KLHL17: variants seen among roughly 807,000 people sequenced by gnomAD.
The protein encoded by KLHL17 is kelch like family member 17.
KLHL17 carries 71 observed loss-of-function variants against 64.6 expected under a neutral mutation model. The ratio of observed to expected loss-of-function variants is 1.10; its 90% CI spans 0.91 to 1.34. KLHL17 has a LOEUF of 1.34. Among genes scored for constraint, KLHL17 ranks in the 40% most tolerant of loss-of-function variants. The pLI is 0.00. For synonymous variants in KLHL17, 612 were observed against 405.4 expected (o/e 1.51, Z -6.12); for missense variants, 1,140 against 935.0 (o/e 1.22, Z -2.86).
At position 960,730 on chromosome 1, in the gene KLHL17, C is replaced by A; in HGVS notation, c.37C>A (p.Gln13Lys). ...PRSERPAGRT[Q>K]SPEHGSPGPG... ...CAGCGAGCGCCCGGCCGGCAGGACG[C>A]AGAGCCCGGAGCACGGCAGCCCGGG... The change falls in exon 1 of 12, where the codon CAG (glutamine) becomes AAG (lysine). Residue 13 changes from glutamine (Q) to lysine (K), a missense_variant. Gln to Lys is a moderately conservative substitution (Grantham distance 53). Transcript: ENST00000338591. 1 of 1,334,396 alleles carries A rather than the reference C, an allele frequency of 7.5e-7. No individual in the cohort carries two copies. The highest frequency in any genetic ancestry group is 9.7e-7 in the Non-Finnish European group (1 of 1,035,172). 82.7% of individuals were successfully genotyped at this position (1,334,396 alleles called of 1,614,324 possible). A position where few individuals can be genotyped will look rare whatever the true frequency, so the allele number is the denominator to read the frequency against.
intron 8 of KLHL17, 122 bp from the exon 9 acceptor site, chr1:963,798 T>C (rs1276931399): frequency 8.5e-7 from 1 of 1,175,238 alleles, no homozygotes; most frequent in African/African-American, 1.5e-5. Flanking sequence ...CTGGTAGGAC[T>C]TTGCGGTCTG....
chr1:962,023 G>A lies in KLHL17; in HGVS notation c.687G>A (p.Glu229=), dbSNP rs2100416262. 3.1e-6 allele frequency: 5 copies of A among 1,612,892 alleles called. No homozygotes were observed. The highest frequency in any genetic ancestry group is 3.4e-6 in the Non-Finnish European group (4 of 1,180,004). The change falls in exon 4 of 12, where the codon GAG becomes GAA. Residue 229 remains glutamate, a synonymous_variant. Transcript: ENST00000338591. ...TCGTGGACGTGGCCAAGACCGAGGA[G>A]TTTATGCTGCTGCCCCTGAAACAGG... ...QHFVDVAKTE[E]FMLLPLKQVL... is the part of the protein sequence containing the mutation.
In KLHL17 at chr1:963,229, G is replaced by C; in HGVS notation, c.1163G>C (p.Gly388Ala). The C allele has an allele frequency of 6.2e-7, 1 of 1,607,128 alleles. No homozygotes were observed. The highest frequency in any genetic ancestry group is 8.5e-7 in the Non-Finnish European group (1 of 1,175,910). Residue 388 changes from glycine to alanine, a missense_variant, in exon 7 of 12, where the codon GGG becomes GCG. Coordinates refer to ENST00000338591, the MANE Select transcript of KLHL17 (RefSeq NM_198317.3). ...GCCCGGGTGGGAGTGGCTGCGGTGG[G>C]GAACCGGCTCTATGCTGTGGGCGGG... ...RRARVGVAAV[G>A]NRLYAVGGYD... is the part of the protein sequence containing the mutation.
At position 961,491 on chromosome 1, in the gene KLHL17, G is replaced by T; in HGVS notation, c.306G>T (p.Glu102Asp). Residue 102 changes from glutamate (E) to aspartate (D), a missense_variant, in exon 2 of 12, where the codon GAG (glutamate) becomes GAT (aspartate). Physicochemically the swap from Glu to Asp is conservative, Grantham distance 45. Coordinates refer to ENST00000338591, the MANE Select transcript of KLHL17 (RefSeq NM_198317.3). Reference protein sequence around the residue: ...CDIVLHVAAKEIRAHKVVLAS... With the variant: ...CDIVLHVAAKDIRAHKVVLAS... ...TCGTCCTGCACGTGGCTGCCAAGGAGATCCGTGCGCACAAAGTGGTGCTGG... is the reference window on the plus strand; with the variant it reads ...TCGTCCTGCACGTGGCTGCCAAGGATATCCGTGCGCACAAAGTGGTGCTGG... The T allele has an allele frequency of 6.2e-7, 1 of 1,612,544 alleles. No individual in the cohort carries two copies.
intron 4 of KLHL17, 76 bp downstream of exon 4, chr1:962,123 T>G: frequency 7.6e-7 from 1 of 1,320,096 alleles, no homozygotes; most frequent in Non-Finnish European, 1.0e-6. Flanking sequence ...CCGACCCCGT[T>G]TTGTTCCTGA....
At chr1:962,956 TCTA>T (rs780843930) in intron 6 of KLHL17, 39 bp downstream of exon 6, 2 of 1,523,920 alleles carry the variant, frequency 1.3e-6, no homozygotes, top group African/African-American at 1.4e-5. Flanking sequence ...CCCTGTGCCT[TCTA>T]CTCCCCACCA....
rs372211605 is a variant in KLHL17, at chr1:962,838, T to C, written c.963T>C (p.Pro321=). The C allele has an allele frequency of 3.1e-6, 5 of 1,602,798 alleles. No homozygotes were observed. Among genetic ancestry groups the C allele is most frequent in the East Asian group, 4.5e-5 (2 of 44,844 alleles). ...AGGCCCTGAAGTTCCACCTGCTGCC[T>C]GAGCAGAGGGGCGTCCTAGGCACCA... ...LIEALKFHLL[P]EQRGVLGTSR... The change falls in exon 6 of 12, where the codon CCT becomes CCC. Residue 321 remains proline (P), a synonymous_variant. Coordinates refer to ENST00000338591, the MANE Select transcript of KLHL17 (RefSeq NM_198317.3).
At chr1:962,512 G>A (rs774650267) in intron 5 of KLHL17, 41 bp downstream of exon 5, 4 of 1,603,986 alleles carry the variant, frequency 2.5e-6, no homozygotes, top group East Asian at 2.2e-5. Context: ...CATCCAGGAG[G>A]GCATGCAGGT....
chr1:963,451 G>GC lies in KLHL17; in HGVS notation c.1303dup (p.His435ProfsTer11), dbSNP rs1181078126. The GC allele has an allele frequency of 6.2e-7, 1 of 1,612,564 alleles. No homozygotes were observed. Among genetic ancestry groups the GC allele is most frequent in the Non-Finnish European group, 8.5e-7 (1 of 1,179,854 alleles). ...GAAGCTGCCTGGGTGTGGCCGCCTTGCATGGACTCCTGTACTCGGCCGGCG... is the reference window on the plus strand; with the variant it reads ...GAAGCTGCCTGGGTGTGGCCGCCTTGCCATGGACTCCTGTACTCGGCCGGCG... On this transcript the variant is annotated frameshift_variant, in exon 8 of 12. Transcript: ENST00000338591. LOFTEE classifies it high-confidence loss of function.
intron 4 of KLHL17, 26 bp downstream of exon 4, chr1:962,073 G>GCCCCCCCCCCCCCCCCC: frequency 6.4e-7 from 1 of 1,559,852 alleles, no homozygotes; most frequent in Non-Finnish European, 8.7e-7. Context: ...CCCAGCCCTC[G>GCCCCCCCCCCCCCCCCC]CCCCCCACCC....
Position 964,892 on chromosome 1 carries a change from C to A in KLHL17, c.1701-71C>A. 3 of 1,172,112 alleles carry A rather than the reference C, an allele frequency of 2.6e-6. No individual in the cohort carries two copies. In the East Asian group the frequency reaches 7.7e-5, roughly 30 times the overall value. The allele number at this position is 1,172,112 out of a possible 1,614,324, so 72.6% of individuals were successfully genotyped here. A position where few individuals can be genotyped will look rare whatever the true frequency, so the allele number is the denominator to read the frequency against. On this transcript the variant is annotated intron_variant, in intron 11 of 11. Transcript: ENST00000338591. ...TCAGCGAGCATGTCCCGCCACCACC[C>A]CTTTTTGTGGTGCAGCCCCTCCCCC...
Position 964,157 on chromosome 1 carries a change from A to C in KLHL17, c.1495A>C (p.Thr499Pro). ...CTACGACAGCTCCTCACACCTGGCCACTGTGGAGAAGTATGAGCCCCAGGT... is the reference window on the plus strand; with the variant it reads ...CTACGACAGCTCCTCACACCTGGCCCCTGTGGAGAAGTATGAGCCCCAGGT... ...GGYDSSSHLA[T>P]VEKYEPQVNV... Residue 499 changes from threonine to proline, a missense_variant, in exon 10 of 12, where the codon ACT becomes CCT. Coordinates refer to ENST00000338591, the MANE Select transcript of KLHL17 (RefSeq NM_198317.3). 1 of 1,612,656 alleles carries C rather than the reference A, an allele frequency of 6.2e-7. No homozygotes were observed. The highest frequency in any genetic ancestry group is 1.1e-5 in the South Asian group (1 of 91,088).
At chr1:963,084 T>C (rs1256783720) in intron 6 of KLHL17, 25 bp from the exon 7 acceptor site, 2 of 1,607,914 alleles carry the variant, frequency 1.2e-6, no homozygotes, top group Admixed American at 3.4e-5. Context: ...CACTCACGAG[T>C]CCCGTCTCCA....
At position 961,868 on chromosome 1, in the gene KLHL17, C is replaced by G. The variant is rs767609323; in HGVS notation, c.532C>G (p.Arg178Gly). ...AASLLQLNGVRDACCKFLLSQ... is the reference protein window; with the variant it reads ...AASLLQLNGVGDACCKFLLSQ... ...CAGTCTCCTGCAGCTGAATGGCGTC[C>G]GAGACGCTTGCTGCAAGTTTCTACT... The change falls in exon 4 of 12, where the codon CGA (arginine) becomes GGA (glycine). Residue 178 changes from arginine to glycine, a missense_variant. Coordinates refer to ENST00000338591, the MANE Select transcript of KLHL17 (RefSeq NM_198317.3). The G allele has an allele frequency of 1.2e-6, 2 of 1,611,966 alleles. No homozygotes were observed. Among genetic ancestry groups the G allele is most frequent in the Non-Finnish European group, 1.7e-6 (2 of 1,179,990 alleles).
rs766693373 is a variant in KLHL17, at chr1:963,497, C to G, written c.1348C>G (p.Leu450Val). The change falls in exon 8 of 12, where the codon CTG becomes GTG. Residue 450 changes from leucine (L) to valine (V), a missense_variant. By Grantham distance (32) the Leu-to-Val change is conservative. Coordinates refer to ENST00000338591, the MANE Select transcript of KLHL17 (RefSeq NM_198317.3). The stretch of plus-strand genomic sequence containing the variant: ...CGGCGGCTATGACGGGGCCTCCTGC[C>G]TGAACAGGTAGTTGGGGTTGGGGCC... ...SAGGYDGASC[L>V]NSAERYDPLT... The G allele has an allele frequency of 1.1e-5, 17 of 1,607,228 alleles. No individual in the cohort carries two copies. The highest frequency in any genetic ancestry group is 1.4e-5 in the Non-Finnish European group (16 of 1,176,542).
Position 961,723 on chromosome 1 carries a change from G to C in KLHL17, c.462G>C (p.Glu154Asp). ...TGGTGCAGTTTGCCTACACGGCTGA[G>C]ATTGTGGTGGGCGAGGGCAATGTGC... ...DQLVQFAYTA[E>D]IVVGEGNVQT... Residue 154 changes from glutamate to aspartate, a missense_variant, in exon 3 of 12, where the codon GAG becomes GAC. Glu to Asp is a conservative substitution (Grantham distance 45). Coordinates refer to ENST00000338591, the MANE Select transcript of KLHL17 (RefSeq NM_198317.3). 1 of 1,612,244 alleles carries C rather than the reference G, an allele frequency of 6.2e-7. No individual in the cohort carries two copies. Among genetic ancestry groups the C allele is most frequent in the South Asian group, 1.1e-5 (1 of 90,982 alleles).
Position 962,822 on chromosome 1 carries a change from A to C in KLHL17, c.947A>C (p.Lys316Thr). ...DCKDLLIEAL[K>T]FHLLPEQRGV... Reference sequence around the variant, plus strand: ...AAGGACCTCCTCATCGAGGCCCTGAAGTTCCACCTGCTGCCTGAGCAGAGG... The same window carrying C: ...AAGGACCTCCTCATCGAGGCCCTGACGTTCCACCTGCTGCCTGAGCAGAGG... Residue 316 changes from lysine (K) to threonine (T), a missense_variant, in exon 6 of 12, where the codon AAG (lysine) becomes ACG (threonine). Coordinates refer to ENST00000338591, the MANE Select transcript of KLHL17 (RefSeq NM_198317.3). 6.2e-7 allele frequency: 1 copy of C among 1,607,450 alleles called. No homozygotes were observed. The highest frequency in any genetic ancestry group is 8.5e-7 in the Non-Finnish European group (1 of 1,178,728).
At position 961,599 on chromosome 1, in the gene KLHL17, G is replaced by T. The variant is rs770649539; in HGVS notation, c.368-30G>T. 4.3e-6 allele frequency: 7 copies of T among 1,612,754 alleles called. No homozygotes were observed. In the Admixed American group the frequency reaches 1.2e-4, roughly 27 times the overall value. On this transcript the variant is annotated intron_variant, in intron 2 of 11. Coordinates refer to ENST00000338591, the MANE Select transcript of KLHL17 (RefSeq NM_198317.3). ...GCTGGGGGCTCCGTGGGTCCCTCGG[G>T]TCAGCTCGTGTAACCCGCTGTCCCC... is the stretch of plus-strand genomic sequence containing the variant.
rs750681467 is a variant in KLHL17, at chr1:963,041, C to T, written c.1043-68C>T. Reference sequence around the variant, plus strand: ...CCGCCCCTCCATTCAGGGGCCTCTCCAGGAGCCTGGGGTGTGGCCCAGCAG... The same window carrying T: ...CCGCCCCTCCATTCAGGGGCCTCTCTAGGAGCCTGGGGTGTGGCCCAGCAG... On this transcript the variant is annotated intron_variant, in intron 6 of 11. Coordinates refer to ENST00000338591, the MANE Select transcript of KLHL17 (RefSeq NM_198317.3). 8.0e-5 allele frequency: 127 copies of T among 1,577,940 alleles called. 1 individual carries two copies. The Admixed American group carries it at 2.2e-3, about 27-fold the overall frequency.
Sources: allele counts gnomAD v4.1 joint callset, GRCh38; gene constraint gnomAD v4.1.1; transcripts MANE v1.5; gene names NCBI Gene and HGNC (gene_info 2026-07-23, HGNC 2026-07-21).